The following TACC1 variants were observed in gnomAD, a reference collection of about 807,000 sequenced individuals.
TACC1 encodes the protein transforming acidic coiled-coil-containing protein 1.
TACC1 carries 48 observed loss-of-function variants against 84.4 expected under a neutral mutation model. That is an observed-to-expected ratio of 0.57 (90% CI 0.45 to 0.72). The LOEUF (loss-of-function observed/expected upper bound fraction) is 0.72, where lower values mean the gene tolerates loss of function less well. TACC1 is among the 30% of genes least tolerant of loss of function. The pLI is 0.00. For synonymous variants in TACC1, 372 were observed against 376.3 expected (o/e 0.99, Z 0.13); for missense variants, 920 against 973.0 (o/e 0.95, Z 0.72).
At chr8:38,794,427 C>T (rs1490186137) in intron 2 of TACC1, among the ~76,000 whole-genome samples, 1 of 152,108 alleles carries the variant, frequency 6.6e-6, no homozygotes, top group Non-Finnish European at 1.5e-5. Flanking sequence ...ATGAGCCAGC[C>T]TCACCCAACC....
Position 38,848,063 on chromosome 8 carries a change from G to A in TACC1, c.*40G>A, listed in dbSNP as rs186556762. On this transcript the variant is annotated 3_prime_UTR_variant, in exon 13 of 13. Coordinates refer to ENST00000317827, the MANE Select transcript of TACC1 (RefSeq NM_006283.3). Reference sequence around the variant, plus strand: ...TAGCTCAACAGATCTGCATTTGGCTGCTTCTCTTGTGACCACAATTATCTT... The same window carrying A: ...TAGCTCAACAGATCTGCATTTGGCTACTTCTCTTGTGACCACAATTATCTT... The A allele has an allele frequency of 1.1e-5, 18 of 1,571,882 alleles. 1 individual carries two copies. In the Admixed American group the frequency reaches 2.9e-4, roughly 26 times the overall value.
upstream of TACC1, among the ~76,000 whole-genome samples, chr8:38,785,371 CA>C (rs375260491): frequency 3.3e-4 from 50 of 152,198 alleles, no homozygotes; most frequent in East Asian, 9.1e-3. Context: ...TAAAGATTGA[CA>C]ACGAGTTCTC....
chr8:38,749,628 G>C (rs570504509), intron 3 of TACC1, among the ~76,000 whole-genome samples: 1 of 152,230 alleles, frequency 6.6e-6, no homozygotes, highest in East Asian at 1.9e-4. Flanking sequence ...GTCTCAGTCT[G>C]TCGCCCAGGC....
At chr8:38,730,433 A>G (rs536217286) in intron 1 of TACC1, among the ~76,000 whole-genome samples, 6 of 152,390 alleles carry the variant, frequency 3.9e-5, no homozygotes, top group Non-Finnish European at 8.8e-5. Flanking sequence ...CAATAATTGT[A>G]ACAGCTAATT....
chr8:38,744,583 A>G (rs1381650495), intron 2 of TACC1, among the ~76,000 whole-genome samples: 3 of 152,128 alleles, frequency 2.0e-5, no homozygotes, highest in Admixed American at 6.6e-5. Context: ...AGAGAAAGGG[A>G]GAAGTGATAC....
chr8:38,848,013 A>G lies in TACC1; in HGVS notation c.2408A>G (p.Lys803Arg). The part of the protein sequence containing the change: ...ICDELIAKLG[K>R]TD ...GATGAGCTGATTGCAAAGCTGGGAA[A>G]GACTGACTGAGACACTCCCCCTGTT... Residue 803 changes from lysine (K) to arginine (R), a missense_variant, in exon 13 of 13, where the codon AAG (lysine) becomes AGG (arginine). Physicochemically the swap from Lys to Arg is conservative, Grantham distance 26. Transcript: ENST00000317827. 6.2e-7 allele frequency: 1 copy of G among 1,613,778 alleles called. No homozygotes were observed. The highest frequency in any genetic ancestry group is 8.5e-7 in the Non-Finnish European group (1 of 1,179,788).
chr8:38,852,119 C>G lies in TACC1; in HGVS notation c.*4096C>G, dbSNP rs923681435. On this transcript the variant is annotated 3_prime_UTR_variant, in exon 13 of 13. Coordinates refer to ENST00000317827, the MANE Select transcript of TACC1 (RefSeq NM_006283.3). ...ATCCCCTAGTGCCAGAGCTTGCATC[C>G]TGGAGACTAAAGATTGCACTTTTTT... 5 of 315,176 alleles carry G rather than the reference C, an allele frequency of 1.6e-5. No individual in the cohort carries two copies. Among genetic ancestry groups the G allele is most frequent in the Admixed American group, 8.0e-5 (2 of 25,012 alleles). 19.5% of individuals were successfully genotyped at this position (315,176 alleles called of 1,614,324 possible). A position where few individuals can be genotyped will look rare whatever the true frequency, so the allele number is the denominator to read the frequency against.
intron 10 of TACC1, 79 bp from the exon 11 acceptor site, chr8:38,843,210 A>C: frequency 2.0e-6 from 2 of 1,006,046 alleles, no homozygotes; most frequent in Non-Finnish European, 2.9e-6. Context: ...TCCATTCTTT[A>C]AAAAATGAAA....
intron 3 of TACC1, among the ~76,000 whole-genome samples, chr8:38,821,896 C>T (rs1054953775): frequency 6.6e-6 from 1 of 152,202 alleles, no homozygotes; most frequent in East Asian, 1.9e-4. Context: ...GCCTGTTACT[C>T]CTAGGCTACA....
intron 6 of TACC1, 62 bp downstream of exon 6, chr8:38,831,239 C>A: frequency 1.3e-6 from 2 of 1,546,280 alleles, no homozygotes; most frequent in Non-Finnish European, 8.9e-7. Flanking sequence ...TGTTTTGAAG[C>A]CCATGTGAAT....
At chr8:38,815,475 A>C (rs933465286) in intron 2 of TACC1, among the ~76,000 whole-genome samples, 1 of 152,122 alleles carries the variant, frequency 6.6e-6, no homozygotes, top group African/African-American at 2.4e-5. Flanking sequence ...ACTGGAGTGC[A>C]GTGGTGCGAT....
chr8:38,815,559 A>G (rs1825239062), intron 2 of TACC1, among the ~76,000 whole-genome samples: 1 of 152,056 alleles, frequency 6.6e-6, no homozygotes, highest in Admixed American at 6.5e-5. Flanking sequence ...AACTGAGATT[A>G]CAGGCATGCG....
At chr8:38,810,928 G>A (rs566756854) in intron 2 of TACC1, among the ~76,000 whole-genome samples, 1 of 152,162 alleles carries the variant, frequency 6.6e-6, no homozygotes, top group South Asian at 2.1e-4. Flanking sequence ...ACTAGCCTAG[G>A]CAACGTAGTG....
intron 3 of TACC1, among the ~76,000 whole-genome samples, chr8:38,781,569 C>T (rs1313286104): frequency 8.6e-5 from 13 of 151,910 alleles, no homozygotes; most frequent in African/African-American, 2.7e-4. Context: ...TTAGTAGAGA[C>T]GGGGTTTCGC....
intron 3 of TACC1, among the ~76,000 whole-genome samples, chr8:38,753,905 T>TTCTC (rs1554495445): frequency 4.8e-5 from 6 of 124,510 alleles, no homozygotes; most frequent in Non-Finnish European, 7.0e-5. Flanking sequence ...CTCTTTTTCT[T>TTCTC]TTTCTTTCTT....
intron 3 of TACC1, among the ~76,000 whole-genome samples, chr8:38,774,328 A>G (rs908983609): frequency 4.6e-5 from 7 of 152,134 alleles, no homozygotes; most frequent in Admixed American, 1.3e-4. Flanking sequence ...ACTAATATGC[A>G]AGTTCTATGA....
rs1468367256 is a variant in TACC1 at position 38,852,509 on chromosome 8, A to G, written c.*4486A>G. 1.3e-5 allele frequency: 2 copies of G among 152,606 alleles called. No individual in the cohort carries two copies. The highest frequency in any genetic ancestry group is 4.8e-5 in the African/African-American group (2 of 41,428). The allele number at this position is 152,606 out of a possible 1,614,324, so 9.5% of individuals were successfully genotyped here. ...TTTCCTGGTCACATCATTAACTGCT[A>G]ATTCTGTATTTATAAAGAATTTTCA... On this transcript the variant is annotated 3_prime_UTR_variant, in exon 13 of 13. Transcript: ENST00000317827.
intron 1 of TACC1, among the ~76,000 whole-genome samples, chr8:38,738,781 T>C (rs1563747430): frequency 6.6e-6 from 1 of 152,152 alleles, no homozygotes; most frequent in Non-Finnish European, 1.5e-5. Context: ...CTTTCGTTGG[T>C]GCATGGTGTT....
At position 38,732,299 on chromosome 8, in the gene TACC1, T is replaced by C. The variant is rs892169045; in HGVS notation, c.-675+3628T>C. Among the ~76,000 whole-genome samples the C allele has an allele frequency of 2.0e-5, 3 of 152,042 alleles. No homozygotes were observed. The South Asian group carries it at 6.2e-4, about 32-fold the overall frequency. ...CCTAATGTTATATAAAGCAAAAATA[T>C]GTTTTTTTCTTGTTTTTTTTTTCAA... On this transcript the variant is annotated intron_variant, in intron 1 of 14. Coordinates refer to the TACC1 transcript ENST00000518415.
Sources: gnomAD v4.1 joint callset for allele counts (sites outside exome capture counted in the v4.1 genomes callset) on GRCh38, gnomAD v4.1.1 for gene constraint, MANE v1.5 for transcripts, NCBI Gene and HGNC (gene_info 2026-07-23, HGNC 2026-07-21) for gene names.